EPHA6: variants seen among roughly 807,000 people sequenced by gnomAD.
EPHA6 encodes the protein EPH receptor A6.
Under a neutral mutation model 112.0 loss-of-function variants are expected in EPHA6, and 50 were observed. The observed-to-expected ratio is 0.45, with a 90% confidence interval of 0.36 to 0.56. The LOEUF (loss-of-function observed/expected upper bound fraction) is 0.56, where lower values mean the gene tolerates loss of function less well. EPHA6 is among the 20% of genes least tolerant of loss of function. EPHA6 has a pLI of 0.00. For synonymous variants in EPHA6, 529 were observed against 490.7 expected (o/e 1.08, Z -1.03); for missense variants, 1,280 against 1,417.4 (o/e 0.90, Z 1.56).
intron 12 of EPHA6, among the ~76,000 whole-genome samples, chr3:97,609,459 G>A (rs749132614): frequency 5.3e-5 from 8 of 151,276 alleles, no homozygotes; most frequent in South Asian, 2.1e-4. Flanking sequence ...AATAATTGAC[G>A]ATAAAGTTCT....
At chr3:97,604,500 AT>A (rs758331199) in intron 12 of EPHA6, among the ~76,000 whole-genome samples, 4 of 151,680 alleles carry the variant, frequency 2.6e-5, no homozygotes, top group Non-Finnish European at 5.9e-5. Context: ...AAAATTTTCT[AT>A]TTTTTTAAAA....
At chr3:97,705,146 C>G (rs1321561658) in intron 14 of EPHA6, among the ~76,000 whole-genome samples, 1 of 152,112 alleles carries the variant, frequency 6.6e-6, no homozygotes, top group Non-Finnish European at 1.5e-5. Flanking sequence ...GCTTACTTCT[C>G]TAGCCTCATC....
At chr3:97,262,495 C>T (rs2079537062) in intron 5 of EPHA6, among the ~76,000 whole-genome samples, 1 of 152,136 alleles carries the variant, frequency 6.6e-6, no homozygotes, top group African/African-American at 2.4e-5. Flanking sequence ...TGGTAAACCT[C>T]TACACATGCA....
intron 3 of EPHA6, among the ~76,000 whole-genome samples, chr3:97,086,306 A>G (rs533002561): frequency 6.6e-6 from 1 of 152,256 alleles, no homozygotes; most frequent in South Asian, 2.1e-4. Flanking sequence ...TTTTGAGTCT[A>G]ACAAAGACCT....
intron 5 of EPHA6, among the ~76,000 whole-genome samples, chr3:97,311,670 C>G (rs2081570358): frequency 6.6e-6 from 1 of 151,712 alleles, no homozygotes; most frequent in South Asian, 2.1e-4. Context: ...CAATACCACA[C>G]TGACTTTATT....
intron 11 of EPHA6, among the ~76,000 whole-genome samples, chr3:97,538,978 T>TCG (rs1319745191): frequency 2.2e-4 from 33 of 149,048 alleles, no homozygotes; most frequent in African/African-American, 7.8e-4. Flanking sequence ...GGACACTTTC[T>TCG]CTCTCTTTCT....
intron 3 of EPHA6, among the ~76,000 whole-genome samples, chr3:97,223,033 T>C (rs2078252291): frequency 6.6e-6 from 1 of 152,138 alleles, no homozygotes; most frequent in Admixed American, 6.5e-5. Context: ...ATACAGTGAA[T>C]AGACTTTTCA....
intron 5 of EPHA6, among the ~76,000 whole-genome samples, chr3:97,332,705 G>A (rs868552199): frequency 2.0e-5 from 3 of 152,006 alleles, no homozygotes; most frequent in Non-Finnish European, 2.9e-5. Flanking sequence ...AGCATTCTTT[G>A]GAGAAAGGGA....
At chr3:97,425,784 C>T (rs1382299421) in intron 6 of EPHA6, among the ~76,000 whole-genome samples, 1 of 152,158 alleles carries the variant, frequency 6.6e-6, no homozygotes, top group African/African-American at 2.4e-5. Flanking sequence ...GCTCTGCTTC[C>T]TCTTGAACAC....
chr3:97,243,517 G>A (rs2078906067), intron 4 of EPHA6, among the ~76,000 whole-genome samples: 1 of 151,682 alleles, frequency 6.6e-6, no homozygotes. Flanking sequence ...ATGAATTATA[G>A]TATGAAGACT....
At chr3:97,187,613 GA>G (rs1247735291) in intron 3 of EPHA6, among the ~76,000 whole-genome samples, 2 of 123,696 alleles carry the variant, frequency 1.6e-5, no homozygotes, top group Admixed American at 8.2e-5. Context: ...GAGAAAGAAA[GA>G]AAAAGAAAGA....
At chr3:97,158,787 A>T (rs1325937753) in intron 3 of EPHA6, among the ~76,000 whole-genome samples, 3 of 152,142 alleles carry the variant, frequency 2.0e-5, no homozygotes, top group African/African-American at 7.2e-5. Flanking sequence ...GAACAATCAG[A>T]TATGCATTTG....
chr3:97,136,847 T>C (rs1287666668), intron 3 of EPHA6, among the ~76,000 whole-genome samples: 1 of 152,180 alleles, frequency 6.6e-6, no homozygotes, highest in Non-Finnish European at 1.5e-5. Flanking sequence ...TATAAAAATA[T>C]AAATTTTAAC....
chr3:97,637,092 ACT>A (rs2093952448), intron 13 of EPHA6, among the ~76,000 whole-genome samples: 1 of 151,970 alleles, frequency 6.6e-6, no homozygotes, highest in African/African-American at 2.4e-5. Flanking sequence ...GTATTTTTTA[ACT>A]CTTTAAAATG....
chr3:97,564,215 CATT>C (rs3035963), intron 11 of EPHA6, among the ~76,000 whole-genome samples: 20,488 of 152,020 alleles, frequency 0.13, 1,619 homozygotes, highest in Admixed American at 0.25. Context: ...CTTGTAAAAA[CATT>C]ATTTATTATT....
intron 7 of EPHA6, among the ~76,000 whole-genome samples, chr3:97,458,567 T>A (rs1308970463): frequency 1.3e-5 from 2 of 152,168 alleles, no homozygotes; most frequent in African/African-American, 4.8e-5. Flanking sequence ...TATACACACA[T>A]TCATATATAT....
chr3:97,201,384 A>G (rs779150048), intron 3 of EPHA6, among the ~76,000 whole-genome samples: 16 of 152,112 alleles, frequency 1.1e-4, no homozygotes, highest in Non-Finnish European at 1.5e-4. Flanking sequence ...TATTTTTCAT[A>G]GTTACAGTCA....
At chr3:96,827,566 A>T (rs1422203377) in intron 1 of EPHA6, among the ~76,000 whole-genome samples, 1 of 152,104 alleles carries the variant, frequency 6.6e-6, no homozygotes, top group Non-Finnish European at 1.5e-5. Flanking sequence ...GAAAGCAATT[A>T]AACAGAATAG....
intron 5 of EPHA6, among the ~76,000 whole-genome samples, chr3:97,291,453 G>T (rs1042413191): frequency 2.0e-5 from 3 of 152,052 alleles, no homozygotes; most frequent in Admixed American, 6.6e-5. Context: ...GGGTGTTGAG[G>T]TCCCCACCTG....
Sources: allele counts gnomAD v4.1 joint callset (sites outside exome capture counted in the v4.1 genomes callset), GRCh38; gene constraint gnomAD v4.1.1; transcripts MANE v1.5; gene names NCBI Gene and HGNC (gene_info 2026-07-23, HGNC 2026-07-21).